FBXW7: variants seen among roughly 807,000 people sequenced by gnomAD.
FBXW7 encodes F-box/WD repeat-containing protein 7.
Under a neutral mutation model 86.3 loss-of-function variants are expected in FBXW7, and 11 were observed. The ratio of observed to expected loss-of-function variants is 0.13; its 90% CI spans 0.08 to 0.21. The LOEUF is 0.21. FBXW7 is among the 10% of genes least tolerant of loss of function. The pLI is 1.00. For synonymous variants in FBXW7, 313 were observed against 297.9 expected (o/e 1.05, Z -0.52); for missense variants, 488 against 847.4 (o/e 0.58, Z 5.27).
intron 4 of FBXW7, among the ~76,000 whole-genome samples, chr4:152,391,962 T>C (rs1297562477): frequency 1.3e-5 from 2 of 152,134 alleles, no homozygotes; most frequent in Non-Finnish European, 2.9e-5. Context: ...GATATGTAAG[T>C]TTGTCAGATA....
intron 2 of FBXW7, among the ~76,000 whole-genome samples, chr4:152,442,636 A>C (rs1560903288): frequency 6.6e-6 from 1 of 152,242 alleles, no homozygotes; most frequent in Admixed American, 6.5e-5. Flanking sequence ...TGACCAGATT[A>C]AAGGACAGGT....
At chr4:152,413,938 C>A (rs115402143) in intron 2 of FBXW7, among the ~76,000 whole-genome samples, 1 of 152,124 alleles carries the variant, frequency 6.6e-6, no homozygotes, top group African/African-American at 2.4e-5. Flanking sequence ...CACCGTTAAT[C>A]AAATACAGTT....
At position 152,536,009 on chromosome 4, in the gene FBXW7, C is replaced by CA. The variant is rs1379396666; in HGVS notation, c.-1096_-1095insT. On this transcript the variant is annotated 5_prime_UTR_variant, in exon 1 of 14. Coordinates refer to ENST00000281708, the MANE Select transcript of FBXW7 (RefSeq NM_001349798.2). The stretch of plus-strand genomic sequence containing the variant: ...TCGCTCTCAGTCTCAGCGGCGGCGG[C>CA]GGCGGCAGCGGCAGCGGCAGCGCCC... 50 of 230,144 alleles carry CA rather than the reference C, an allele frequency of 2.2e-4. No homozygotes were observed. The highest frequency in any genetic ancestry group is 1.0e-3 in the African/African-American group (45 of 43,480). 14.3% of individuals were successfully genotyped at this position (230,144 alleles called of 1,614,324 possible).
chr4:152,503,561 C>T (rs1247093325), intron 2 of FBXW7, among the ~76,000 whole-genome samples: 2 of 151,934 alleles, frequency 1.3e-5, no homozygotes, highest in Admixed American at 1.3e-4. Flanking sequence ...CATGAGCCAC[C>T]GTGCCCGGCC....
intron 2 of FBXW7, among the ~76,000 whole-genome samples, chr4:152,417,360 A>G (rs1486571893): frequency 2.6e-5 from 4 of 152,112 alleles, no homozygotes; most frequent in Admixed American, 6.6e-5. Flanking sequence ...GATGTAAGAA[A>G]CCCAGATGGC....
chr4:152,391,172 T>C (rs1265038051), intron 4 of FBXW7, among the ~76,000 whole-genome samples: 1 of 152,070 alleles, frequency 6.6e-6, no homozygotes, highest in Admixed American at 6.6e-5. Flanking sequence ...TAATATTAAC[T>C]GAAAGTACTT....
intron 2 of FBXW7, among the ~76,000 whole-genome samples, chr4:152,432,333 GAAGAC>G (rs1421589055): frequency 6.6e-6 from 1 of 152,176 alleles, no homozygotes; most frequent in Non-Finnish European, 1.5e-5. Context: ...GCAAAGAAAA[GAAGAC>G]AAGAGCATTC....
chr4:152,484,797 A>T (rs889323957), intron 2 of FBXW7, among the ~76,000 whole-genome samples: 6 of 152,116 alleles, frequency 3.9e-5, no homozygotes, highest in Admixed American at 1.3e-4. Flanking sequence ...CCCTGTCTCT[A>T]CTAAAAATAC....
At position 152,438,886 on chromosome 4, in the gene FBXW7, G is replaced by A. The variant is rs181869484; in HGVS notation, c.-119-26357C>T. Among the ~76,000 whole-genome samples the A allele has an allele frequency of 4.9e-4, 74 of 152,214 alleles. 2 individuals are homozygous for A. The highest frequency in any genetic ancestry group is 3.4e-3 in the Middle Eastern group (1 of 294). The stretch of plus-strand genomic sequence containing the variant: ...AGTAGCAGCAATGATAAAACAATGG[G>A]ACAACTACAGACAACAGTCTACTTT... On this transcript the variant is annotated intron_variant, in intron 2 of 13. Transcript: ENST00000281708.
chr4:152,332,024 A>G (rs1729609317), intron 8 of FBXW7, among the ~76,000 whole-genome samples: 1 of 152,082 alleles, frequency 6.6e-6, no homozygotes, highest in Admixed American at 6.6e-5. Context: ...ATTCTTTCTA[A>G]AATATTTTGC....
At chr4:152,413,265 T>G (rs1041960983) in intron 2 of FBXW7, among the ~76,000 whole-genome samples, 18 of 152,190 alleles carry the variant, frequency 1.2e-4, no homozygotes, top group Non-Finnish European at 8.8e-5. Flanking sequence ...ATATATCAAA[T>G]ATTAATATAG....
At chr4:152,442,788 G>C (rs1394633545) in intron 2 of FBXW7, among the ~76,000 whole-genome samples, 1 of 152,146 alleles carries the variant, frequency 6.6e-6, no homozygotes, top group Non-Finnish European at 1.5e-5. Context: ...AGACCAACAA[G>C]GACAGTATCA....
intron 4 of FBXW7, among the ~76,000 whole-genome samples, chr4:152,395,735 G>T (rs553323464): frequency 6.6e-6 from 1 of 152,024 alleles, no homozygotes; most frequent in East Asian, 1.9e-4. Context: ...TTTGCAATGG[G>T]TGATAAACAT....
Position 152,382,197 on chromosome 4 carries a change from G to T in FBXW7, c.501+29106C>A, listed in dbSNP as rs563955228. 57 of 1,547,442 alleles carry T rather than the reference G, an allele frequency of 3.7e-5. 1 individual carries two copies. In the South Asian group the frequency reaches 6.6e-4, roughly 18 times the overall value. On this transcript the variant is annotated intron_variant, in intron 4 of 13. Transcript: ENST00000281708. The stretch of plus-strand genomic sequence containing the variant: ...AAATGTGTGAGACTTACCCGTCTTC[G>T]ACAAAAAGGGAGGCCTTGGGCAATG...
intron 6 of FBXW7, among the ~76,000 whole-genome samples, chr4:152,340,467 G>T (rs533608964): frequency 9.6e-4 from 144 of 150,276 alleles, no homozygotes; most frequent in African/African-American, 3.4e-3. Flanking sequence ...TAGTCCCGGC[G>T]ACTTGGGAGG....
At chr4:152,395,638 C>T (rs1295560888) in intron 4 of FBXW7, among the ~76,000 whole-genome samples, 3 of 152,060 alleles carry the variant, frequency 2.0e-5, no homozygotes, top group African/African-American at 7.2e-5. Context: ...GGCTAAAGCA[C>T]TTAAAGTGCT....
intron 2 of FBXW7, among the ~76,000 whole-genome samples, chr4:152,450,841 A>G (rs1741839897): frequency 6.6e-6 from 1 of 152,134 alleles, no homozygotes; most frequent in Non-Finnish European, 1.5e-5. Flanking sequence ...TATTGTTTCT[A>G]AAGAAAACTA....
intron 2 of FBXW7, among the ~76,000 whole-genome samples, chr4:152,504,952 C>A (rs1041014363): frequency 1.3e-5 from 2 of 152,144 alleles, no homozygotes; most frequent in Non-Finnish European, 2.9e-5. Flanking sequence ...TCAAATTATA[C>A]AGTCACGCAT....
chr4:152,442,049 A>G (rs1740940564), intron 2 of FBXW7, among the ~76,000 whole-genome samples: 1 of 152,224 alleles, frequency 6.6e-6, no homozygotes, highest in African/African-American at 2.4e-5. Flanking sequence ...GTGATCTTAT[A>G]CAAAATTCAA....
Sources: gnomAD v4.1 joint callset for allele counts (sites outside exome capture counted in the v4.1 genomes callset) on GRCh38, gnomAD v4.1.1 for gene constraint, MANE v1.5 for transcripts, NCBI Gene and HGNC (gene_info 2026-07-23, HGNC 2026-07-21) for gene names.